The following TNKS variants were observed in gnomAD, a reference collection of about 807,000 sequenced individuals.
TNKS encodes poly [ADP-ribose] polymerase tankyrase-1.
In TNKS, 72 loss-of-function variants were observed where a neutral mutation model predicts 135.8. The ratio of observed to expected loss-of-function variants is 0.53; its 90% CI spans 0.44 to 0.64. The LOEUF (loss-of-function observed/expected upper bound fraction) is 0.64. Among genes scored for constraint, TNKS ranks in the 30% least tolerant of loss-of-function variants. The pLI is 0.00. For missense variants in TNKS, 1,769 were observed against 1,674.0 expected, an observed-to-expected ratio of 1.06 and a Z score of -0.99; for synonymous variants, 849 against 649.3, an observed-to-expected ratio of 1.31 and a Z score of -4.68.
chr8:9,576,435 A>C (rs966809618), intron 1 of TNKS, among the ~76,000 whole-genome samples: 3 of 151,568 alleles, frequency 2.0e-5, no homozygotes, highest in Non-Finnish European at 2.9e-5. Context: ...GGAGAGAGAC[A>C]GCAGAAAGCG....
intron 7 of TNKS, among the ~76,000 whole-genome samples, chr8:9,706,481 G>A (rs1449198431): frequency 1.3e-5 from 2 of 152,078 alleles, no homozygotes; most frequent in Non-Finnish European, 2.9e-5. Flanking sequence ...CTCCCCCTCA[G>A]CCTCCCCAGT....
chr8:9,649,188 G>T (rs1439159750), intron 3 of TNKS, among the ~76,000 whole-genome samples: 1 of 152,282 alleles, frequency 6.6e-6, no homozygotes, highest in East Asian at 1.9e-4. Flanking sequence ...TGAAAGCAAG[G>T]CAGATAGTTT....
chr8:9,586,961 A>G lies in TNKS; in HGVS notation c.898+6578A>G, dbSNP rs150329292. Among the ~76,000 whole-genome samples the G allele has an allele frequency of 6.6e-4, 101 of 152,286 alleles. 1 individual carries two copies. The highest frequency in any genetic ancestry group is 6.8e-3 in the Middle Eastern group (2 of 294). On this transcript the variant is annotated intron_variant, in intron 2 of 26. Coordinates refer to ENST00000310430, the MANE Select transcript of TNKS (RefSeq NM_003747.3). The stretch of plus-strand genomic sequence containing the variant: ...GTTGGGTCTCCCGTTAGAAAGAACC[A>G]TATACATATAATGTTATGCTTTAAA...
chr8:9,585,651 A>G (rs1318200875), intron 2 of TNKS, among the ~76,000 whole-genome samples: 1 of 152,234 alleles, frequency 6.6e-6, no homozygotes, highest in Non-Finnish European at 1.5e-5. Context: ...TTGATAAAGA[A>G]CAGTTCTGCA....
intron 3 of TNKS, among the ~76,000 whole-genome samples, chr8:9,667,408 T>C (rs1462186993): frequency 1.3e-5 from 2 of 152,236 alleles, no homozygotes; most frequent in Non-Finnish European, 2.9e-5. Context: ...CTTGCTCTTA[T>C]CGGGATGCTT....
chr8:9,654,669 T>C (rs1585282987), intron 3 of TNKS, among the ~76,000 whole-genome samples: 1 of 152,232 alleles, frequency 6.6e-6, no homozygotes, highest in South Asian at 2.1e-4. Context: ...CTCTAGATGA[T>C]AGATTTCATG....
chr8:9,632,663 C>G (rs1800337829), intron 3 of TNKS, among the ~76,000 whole-genome samples: 1 of 152,146 alleles, frequency 6.6e-6, no homozygotes, highest in Non-Finnish European at 1.5e-5. Context: ...ATTTCAATAT[C>G]TACTGAAACA....
chr8:9,645,370 G>T (rs76376856), intron 3 of TNKS, among the ~76,000 whole-genome samples: 15,258 of 152,230 alleles, frequency 0.1, 1,078 homozygotes, highest in East Asian at 0.21. Context: ...ATGCTGCACA[G>T]AGATGTTAGT....
At chr8:9,620,023 C>T (rs1215158633) in intron 3 of TNKS, among the ~76,000 whole-genome samples, 1 of 151,504 alleles carries the variant, frequency 6.6e-6, no homozygotes, top group Non-Finnish European at 1.5e-5. Flanking sequence ...TATCTTGGCT[C>T]ACTGCAACCT....
chr8:9,735,387 T>C lies in TNKS; in HGVS notation c.2544T>C (p.Asn848=), dbSNP rs528289668. The C allele has an allele frequency of 6.2e-7, 1 of 1,613,970 alleles. No homozygotes were observed. The change falls in exon 17 of 27, where the codon AAT becomes AAC. Residue 848 remains asparagine (N), a synonymous_variant. Transcript: ENST00000310430. ...STPLHLAAGY[N]NLEVAEYLLE... ...TTTTACTCTAAATAGCAGGCTATAATAACCTGGAAGTAGCTGAATATCTTC... is the reference window on the plus strand; with the variant it reads ...TTTTACTCTAAATAGCAGGCTATAACAACCTGGAAGTAGCTGAATATCTTC...
At chr8:9,572,418 T>C (rs1296547931) in intron 1 of TNKS, among the ~76,000 whole-genome samples, 1 of 152,204 alleles carries the variant, frequency 6.6e-6, no homozygotes, top group Non-Finnish European at 1.5e-5. Context: ...ATCTGAACTT[T>C]TACTTCTTCC....
chr8:9,733,516 G>A, intron 15 of TNKS, 72 bp downstream of exon 15: 1 of 1,323,562 alleles, frequency 7.6e-7, no homozygotes, highest in Non-Finnish European at 1.1e-6. Context: ...AAAGTAAGTT[G>A]GGGTATGTTA....
chr8:9,577,678 G>T (rs1798004503), intron 1 of TNKS, among the ~76,000 whole-genome samples: 2 of 152,110 alleles, frequency 1.3e-5, no homozygotes, highest in African/African-American at 4.8e-5. Context: ...TCTAACACTG[G>T]GGATCATAAT....
intron 3 of TNKS, among the ~76,000 whole-genome samples, chr8:9,670,407 G>A (rs1471869676): frequency 6.6e-6 from 1 of 152,018 alleles, no homozygotes. Context: ...GTATGTAGAG[G>A]GCATGAAGCC....
intron 11 of TNKS, among the ~76,000 whole-genome samples, chr8:9,713,854 C>G (rs7462070): frequency 1.3e-5 from 2 of 151,852 alleles, no homozygotes; most frequent in Admixed American, 1.3e-4. Flanking sequence ...TTTTTTCTTG[C>G]GTAGTATTTC....
At chr8:9,726,555 A>G (rs1024275923) in intron 12 of TNKS, 86 bp from the exon 13 acceptor site, 4 of 999,310 alleles carry the variant, frequency 4.0e-6, no homozygotes, top group Non-Finnish European at 5.8e-6. Flanking sequence ...GCAATCCCTC[A>G]AGAACCATTT....
chr8:9,629,748 T>C (rs969186767), intron 3 of TNKS, among the ~76,000 whole-genome samples: 1 of 152,248 alleles, frequency 6.6e-6, no homozygotes, highest in African/African-American at 2.4e-5. Context: ...AGTGGTGTCA[T>C]CTCGGCTCAC....
chr8:9,565,446 A>C (rs76719577), intron 1 of TNKS, among the ~76,000 whole-genome samples: 1,831 of 152,290 alleles, frequency 0.012, 36 homozygotes, highest in African/African-American at 0.04. Flanking sequence ...GTGAGGAAGC[A>C]TTTGGTAGTT....
At chr8:9,669,649 C>T (rs1802178463) in intron 3 of TNKS, among the ~76,000 whole-genome samples, 2 of 152,112 alleles carry the variant, frequency 1.3e-5, no homozygotes, top group Non-Finnish European at 2.9e-5. Context: ...GCAGAAGTCA[C>T]AATTGATTCA....
Sources: gnomAD v4.1 joint callset for allele counts (sites outside exome capture counted in the v4.1 genomes callset) on GRCh38, gnomAD v4.1.1 for gene constraint, MANE v1.5 for transcripts, NCBI Gene and HGNC (gene_info 2026-07-23, HGNC 2026-07-21) for gene names.